GALNT2: variants seen among roughly 807,000 people sequenced by gnomAD.
GALNT2 encodes the protein UDP-GalNAc:polypeptide N-acetylgalactosaminyltransferase 2.
In GALNT2, 31 loss-of-function variants were observed where a neutral mutation model predicts 81.4. The observed-to-expected ratio is 0.38, with a 90% CI of 0.29 to 0.51. GALNT2 has a LOEUF of 0.51. Among genes scored for constraint, GALNT2 ranks in the 20% least tolerant of loss-of-function variants. The pLI is 0.87. For synonymous variants in GALNT2, 303 were observed against 287.4 expected, an observed-to-expected ratio of 1.05 and a Z score of -0.55; for missense variants, 629 against 765.7, an observed-to-expected ratio of 0.82 and a Z score of 2.11.
intron 2 of GALNT2, among the ~76,000 whole-genome samples, chr1:230,195,063 A>T (rs917278872): frequency 6.6e-6 from 1 of 152,262 alleles, no homozygotes; most frequent in African/African-American, 2.4e-5. Context: ...TTAGAAGGGT[A>T]TTGAAGTCTG....
At chr1:230,057,883 G>C (rs1658951377), upstream of GALNT2, 1 of 356,708 alleles carries the variant, frequency 2.8e-6, no homozygotes. Flanking sequence ...AGGAGGGGTA[G>C]GAAATGGGAA....
At chr1:230,168,574 A>G (rs771110072) in intron 1 of GALNT2, among the ~76,000 whole-genome samples, 2 of 152,244 alleles carry the variant, frequency 1.3e-5, no homozygotes, top group Non-Finnish European at 2.9e-5. Context: ...TCCATTAAAA[A>G]TGAACAGGCA....
chr1:230,249,786 G>T (rs190067008), intron 9 of GALNT2, among the ~76,000 whole-genome samples: 1 of 152,342 alleles, frequency 6.6e-6, no homozygotes, highest in Admixed American at 6.5e-5. Flanking sequence ...GTTGGCACAC[G>T]GTTAAGTGAG....
At chr1:230,083,207 A>G (rs1571940609) in intron 1 of GALNT2, among the ~76,000 whole-genome samples, 3 of 114,634 alleles carry the variant, frequency 2.6e-5, no homozygotes, top group African/African-American at 6.9e-5. Flanking sequence ...AGGATGATGG[A>G]GCGGGGGGGC....
rs565649416 is a variant in GALNT2 at position 230,245,148 on chromosome 1, T to C, written c.730-915T>C. 2.0e-5 allele frequency among the ~76,000 whole-genome samples: 3 copies of C among 148,958 alleles called. No individual in the cohort carries two copies. In the South Asian group the frequency reaches 6.3e-4, roughly 31 times the overall value. ...TGTGGCATAAAGACATGGCTCAATC[T>C]AGGGGGATTTTTTTTTTTTAATAGA... On this transcript the variant is annotated intron_variant, in intron 7 of 15. Coordinates refer to ENST00000366672, the MANE Select transcript of GALNT2 (RefSeq NM_004481.5).
At chr1:230,208,563 A>T (rs1558140974) in intron 3 of GALNT2, among the ~76,000 whole-genome samples, 1 of 152,232 alleles carries the variant, frequency 6.6e-6, no homozygotes, top group Non-Finnish European at 1.5e-5. Flanking sequence ...TAAAACCGTG[A>T]GGCTGGGTGT....
At chr1:230,066,783 G>T (rs1055570423), upstream of GALNT2, among the ~76,000 whole-genome samples, 1 of 152,190 alleles carries the variant, frequency 6.6e-6, no homozygotes, top group Non-Finnish European at 1.5e-5. Flanking sequence ...GAGAGGCCCC[G>T]TGTGCGTGAG....
intron 1 of GALNT2, among the ~76,000 whole-genome samples, chr1:230,137,168 G>A (rs531977616): frequency 1.3e-5 from 2 of 152,334 alleles, no homozygotes; most frequent in East Asian, 3.9e-4. Context: ...GAGCCAAATA[G>A]TGCTTTTCAC....
At chr1:230,173,872 C>T (rs995608533) in intron 1 of GALNT2, among the ~76,000 whole-genome samples, 3 of 151,766 alleles carry the variant, frequency 2.0e-5, no homozygotes, top group African/African-American at 7.3e-5. Context: ...TAGGCGAAGC[C>T]AGTACAATCA....
intron 3 of GALNT2, among the ~76,000 whole-genome samples, chr1:230,228,760 G>T (rs1160518144): frequency 6.6e-6 from 1 of 151,998 alleles, no homozygotes; most frequent in Non-Finnish European, 1.5e-5. Context: ...CAAGACTCCA[G>T]TGGATATTTG....
intron 3 of GALNT2, among the ~76,000 whole-genome samples, chr1:230,212,870 C>G (rs961318876): frequency 6.6e-6 from 1 of 152,208 alleles, no homozygotes; most frequent in South Asian, 2.1e-4. Context: ...CTATTTCAGG[C>G]CTTCTCTCTG....
chr1:230,277,008 T>A (rs1168358140), intron 15 of GALNT2, among the ~76,000 whole-genome samples: 2 of 152,212 alleles, frequency 1.3e-5, no homozygotes, highest in Non-Finnish European at 2.9e-5. Flanking sequence ...AAAAAACAAA[T>A]ATTACTTCAA....
intron 2 of GALNT2, among the ~76,000 whole-genome samples, chr1:230,190,668 CT>C (rs1402578082): frequency 6.6e-6 from 1 of 152,088 alleles, no homozygotes; most frequent in Non-Finnish European, 1.5e-5. Flanking sequence ...GAAACGGGGC[CT>C]TTTTCTATGG....
chr1:230,156,734 G>GT (rs968966524), intron 1 of GALNT2, among the ~76,000 whole-genome samples: 5 of 151,942 alleles, frequency 3.3e-5, no homozygotes, highest in East Asian at 1.9e-4. Flanking sequence ...GTTGGTGGTG[G>GT]TTTTTTTTAA....
chr1:230,279,220 C>G lies in GALNT2; in HGVS notation c.1561-83C>G. On this transcript the variant is annotated intron_variant, in intron 15 of 15. Transcript: ENST00000366672. This position sits in a 1 kb window ranked among gnomAD's most constrained non-coding sequence, Gnocchi z 4.6. The stretch of plus-strand genomic sequence containing the variant: ...GTCTATCTGTGAGTTTTTAATGCAG[C>G]CACAAGGTCCTGAATTCACACGAAT... 7.0e-7 allele frequency: 1 copy of G among 1,431,264 alleles called. No individual in the cohort carries two copies. Among genetic ancestry groups the G allele is most frequent in the Non-Finnish European group, 9.5e-7 (1 of 1,052,836 alleles). 88.7% of individuals were successfully genotyped at this position (1,431,264 alleles called of 1,614,324 possible).
At chr1:230,086,028 T>A (rs1389785019) in intron 1 of GALNT2, among the ~76,000 whole-genome samples, 1 of 152,160 alleles carries the variant, frequency 6.6e-6, no homozygotes, top group Non-Finnish European at 1.5e-5. Context: ...ACCTGCCTGG[T>A]TAAGGAACGA....
At chr1:230,099,173 G>A (rs1660332673) in intron 1 of GALNT2, among the ~76,000 whole-genome samples, 1 of 152,186 alleles carries the variant, frequency 6.6e-6, no homozygotes, top group African/African-American at 2.4e-5. Context: ...CGCTCCATGT[G>A]CTCTGTGCCT....
At chr1:230,074,918 G>A (rs1659488063) in intron 1 of GALNT2, among the ~76,000 whole-genome samples, 1 of 152,194 alleles carries the variant, frequency 6.6e-6, no homozygotes, top group Non-Finnish European at 1.5e-5. Context: ...TCTGGAGGCA[G>A]TGGGGTTTTT....
At chr1:230,085,832 T>G (rs1041099195) in intron 1 of GALNT2, among the ~76,000 whole-genome samples, 1 of 152,238 alleles carries the variant, frequency 6.6e-6, no homozygotes, top group Non-Finnish European at 1.5e-5. Context: ...AGAACTGTTT[T>G]GATAGGCCAC....
Sources: allele counts gnomAD v4.1 joint callset (sites outside exome capture counted in the v4.1 genomes callset), GRCh38; gene constraint gnomAD v4.1.1; non-coding constraint Gnocchi (gnomAD v3.1); transcripts MANE v1.5; gene names NCBI Gene and HGNC (gene_info 2026-07-23, HGNC 2026-07-21).